Variants in CNTNAP2 observed in about 807,000 individuals in gnomAD.
CNTNAP2 encodes contactin-associated protein-like 2.
Under a neutral mutation model 155.2 loss-of-function variants are expected in CNTNAP2, and 98 were observed. The observed-to-expected ratio is 0.63, with a 90% CI of 0.54 to 0.75. The LOEUF is 0.75. CNTNAP2 is among the 30% of genes least tolerant of loss of function. CNTNAP2 has a pLI of 0.00. For synonymous variants in CNTNAP2, 651 were observed against 631.2 expected, an observed-to-expected ratio of 1.03 and a Z score of -0.47; for missense variants, 1,727 against 1,688.1, an observed-to-expected ratio of 1.02 and a Z score of -0.40.
chr7:146,806,189 T>A (rs1344507658), intron 2 of CNTNAP2, among the ~76,000 whole-genome samples: 2 of 152,110 alleles, frequency 1.3e-5, no homozygotes, highest in Non-Finnish European at 2.9e-5. Flanking sequence ...GTTTCAGTTA[T>A]ATATTTGCAA....
At chr7:147,067,600 A>G (rs1432331506) in intron 4 of CNTNAP2, among the ~76,000 whole-genome samples, 2 of 152,210 alleles carry the variant, frequency 1.3e-5, no homozygotes, top group African/African-American at 4.8e-5. Flanking sequence ...TCAGGCATCC[A>G]TAAGAAGAGA....
At chr7:148,292,163 A>T (rs1431017644) in intron 21 of CNTNAP2, among the ~76,000 whole-genome samples, 1 of 152,188 alleles carries the variant, frequency 6.6e-6, no homozygotes, top group Non-Finnish European at 1.5e-5. Context: ...TCACAAAGGA[A>T]GTTTTCCAAA....
At chr7:148,025,070 T>A (rs1802352252) in intron 15 of CNTNAP2, among the ~76,000 whole-genome samples, 1 of 152,154 alleles carries the variant, frequency 6.6e-6, no homozygotes, top group African/African-American at 2.4e-5. Flanking sequence ...TGTTTGTAAG[T>A]CTAATGAAAG....
intron 3 of CNTNAP2, among the ~76,000 whole-genome samples, chr7:146,961,343 A>C (rs1163944026): frequency 6.6e-6 from 1 of 152,192 alleles, no homozygotes; most frequent in African/African-American, 2.4e-5. Context: ...GTAGGGACCT[A>C]AATAACGCTG....
chr7:147,604,068 A>C (rs1410394480), intron 12 of CNTNAP2, among the ~76,000 whole-genome samples: 2 of 152,190 alleles, frequency 1.3e-5, no homozygotes, highest in East Asian at 1.9e-4. Context: ...TACAAAAATT[A>C]ATTCAAGATG....
intron 14 of CNTNAP2, among the ~76,000 whole-genome samples, chr7:147,953,641 A>G (rs548138446): frequency 6.6e-6 from 1 of 152,346 alleles, no homozygotes; most frequent in East Asian, 1.9e-4. Flanking sequence ...CTGCAGCAAC[A>G]AAGTACCATA....
chr7:147,635,766 C>T (rs1795170392), intron 12 of CNTNAP2, among the ~76,000 whole-genome samples: 1 of 152,092 alleles, frequency 6.6e-6, no homozygotes, highest in Non-Finnish European at 1.5e-5. Flanking sequence ...TAATGCTTGC[C>T]TTTATGACCA....
intron 3 of CNTNAP2, among the ~76,000 whole-genome samples, chr7:146,901,104 A>C (rs1795984143): frequency 6.6e-6 from 1 of 152,014 alleles, no homozygotes; most frequent in South Asian, 2.1e-4. Context: ...GTAAAACAAA[A>C]GCTATTTTTT....
At position 146,201,751 on chromosome 7, in the gene CNTNAP2, T is replaced by TA. The variant is rs1440576462; in HGVS notation, c.97+84779dup. The stretch of plus-strand genomic sequence containing the variant: ...TTCAATTACATTGTGTTTGGAATCA[T>TA]ACATAATTTTTCTTTAGTTAATACT... On this transcript the variant is annotated intron_variant, in intron 1 of 23. Transcript: ENST00000361727. Among the ~76,000 whole-genome samples the TA allele has an allele frequency of 3.9e-5, 6 of 152,022 alleles. No homozygotes were observed. In the East Asian group the frequency reaches 1.2e-3, roughly 29 times the overall value.
chr7:147,043,793 A>G, intron 3 of CNTNAP2, 114 bp from the exon 4 acceptor site: 1 of 1,278,366 alleles, frequency 7.8e-7, no homozygotes, highest in South Asian at 1.3e-5. Flanking sequence ...TTTACGGTGT[A>G]AGAAATCACA....
At chr7:146,212,366 A>G (rs759642221) in intron 1 of CNTNAP2, among the ~76,000 whole-genome samples, 14 of 152,156 alleles carry the variant, frequency 9.2e-5, no homozygotes, top group Admixed American at 2.6e-4. Flanking sequence ...CCCTTGCTAG[A>G]TTGACCTAAT....
chr7:148,145,368 G>A (rs78934479), intron 16 of CNTNAP2, among the ~76,000 whole-genome samples: 3,022 of 152,240 alleles, frequency 0.02, 104 homozygotes, highest in African/African-American at 0.068. Flanking sequence ...ATTTTCTAGC[G>A]ACTTCTGGCA....
At chr7:147,186,908 A>G (rs1362937933) in intron 8 of CNTNAP2, among the ~76,000 whole-genome samples, 2 of 93,892 alleles carry the variant, frequency 2.1e-5, no homozygotes, top group African/African-American at 5.4e-5. Flanking sequence ...ACTGTAGTGC[A>G]TATTGTTATC....
chr7:146,190,637 C>G lies in CNTNAP2; in HGVS notation c.97+73664C>G, dbSNP rs371509634. Among the ~76,000 whole-genome samples the G allele has an allele frequency of 3.2e-4, 48 of 152,220 alleles. 1 individual carries two copies. Among genetic ancestry groups the G allele is most frequent in the South Asian group, 2.9e-3 (14 of 4,826 alleles). The stretch of plus-strand genomic sequence containing the variant: ...TGCATTCAGATTTGGTAAAGAAACA[C>G]ATAAGAAGCATTCTCAAAACTTTTA... On this transcript the variant is annotated intron_variant, in intron 1 of 23. Coordinates refer to ENST00000361727, the MANE Select transcript of CNTNAP2 (RefSeq NM_014141.6).
chr7:148,407,229 T>A (rs1585351943), intron 22 of CNTNAP2, among the ~76,000 whole-genome samples: 1 of 151,956 alleles, frequency 6.6e-6, no homozygotes, highest in South Asian at 2.1e-4. Flanking sequence ...ATGATAAGCC[T>A]AATAAATGAA....
At chr7:147,628,684 G>A (rs1034402607) in intron 12 of CNTNAP2, among the ~76,000 whole-genome samples, 1 of 152,182 alleles carries the variant, frequency 6.6e-6, no homozygotes, top group Non-Finnish European at 1.5e-5. Context: ...TAGAATGGCA[G>A]AATGGATAAA....
At chr7:146,917,492 G>T (rs1242368955) in intron 3 of CNTNAP2, among the ~76,000 whole-genome samples, 1 of 152,132 alleles carries the variant, frequency 6.6e-6, no homozygotes, top group African/African-American at 2.4e-5. Flanking sequence ...GAGCTCCAGT[G>T]TTAGGTGCAT....
In CNTNAP2 at chr7:146,264,167, G is replaced by A. The variant is rs181825490; in HGVS notation, c.97+147194G>A. 4.9e-3 allele frequency among the ~76,000 whole-genome samples: 741 copies of A among 152,308 alleles called. 8 individuals carry two copies. The highest frequency in any genetic ancestry group is 0.017 in the African/African-American group (704 of 41,548). ...GTAGAAAAGCAATCTATCCAGGCCA[G>A]GAGGGGTGGCTCATGCCTGTAATCC... On this transcript the variant is annotated intron_variant, in intron 1 of 23. Transcript: ENST00000361727.
chr7:148,309,472 G>A (rs529218518), intron 21 of CNTNAP2, among the ~76,000 whole-genome samples: 1 of 152,310 alleles, frequency 6.6e-6, no homozygotes, highest in South Asian at 2.1e-4. Flanking sequence ...CAACAAGGCT[G>A]TTTATTTCAC....
Sources: gnomAD v4.1 joint callset for allele counts (sites outside exome capture counted in the v4.1 genomes callset) on GRCh38, gnomAD v4.1.1 for gene constraint, MANE v1.5 for transcripts, NCBI Gene and HGNC (gene_info 2026-07-23, HGNC 2026-07-21) for gene names.